Variants in AKT3 observed in about 807,000 individuals in gnomAD.
AKT3 encodes the protein RAC-gamma serine/threonine-protein kinase.
AKT3 carries 15 observed loss-of-function variants against 65.3 expected under a neutral mutation model. That is an observed-to-expected ratio of 0.23 (90% CI 0.15 to 0.35). The LOEUF (loss-of-function observed/expected upper bound fraction) is 0.35. Among genes scored for constraint, AKT3 ranks in the 10% least tolerant of loss-of-function variants. The pLI is 1.00. For synonymous variants in AKT3, 206 were observed against 183.8 expected (o/e 1.12, Z -0.98); for missense variants, 243 against 576.5 (o/e 0.42, Z 5.92).
chr1:243,580,173 G>A (rs1675226490), intron 8 of AKT3, among the ~76,000 whole-genome samples: 1 of 152,142 alleles, frequency 6.6e-6, no homozygotes, highest in South Asian at 2.1e-4. Context: ...GAATCATGAC[G>A]TACACTCCAG....
chr1:243,607,238 C>T (rs1379786368), intron 8 of AKT3, among the ~76,000 whole-genome samples: 1 of 152,194 alleles, frequency 6.6e-6, no homozygotes, highest in Non-Finnish European at 1.5e-5. Context: ...TGACAGCTTG[C>T]ACAGTGCACC....
chr1:243,600,503 A>T (rs1676931227), intron 8 of AKT3, among the ~76,000 whole-genome samples: 1 of 152,136 alleles, frequency 6.6e-6, no homozygotes, highest in South Asian at 2.1e-4. Context: ...CCAGAAATCG[A>T]CCCACACATA....
intron 6 of AKT3, among the ~76,000 whole-genome samples, chr1:243,634,051 T>C (rs1679800662): frequency 6.6e-6 from 1 of 152,070 alleles, no homozygotes; most frequent in Non-Finnish European, 1.5e-5. Flanking sequence ...CCATGGGGGA[T>C]TGGTTTCAAA....
At chr1:243,698,194 A>C (rs1262805151) in intron 2 of AKT3, among the ~76,000 whole-genome samples, 1 of 152,068 alleles carries the variant, frequency 6.6e-6, no homozygotes, top group African/African-American at 2.4e-5. Context: ...TAATTCTCCA[A>C]TTAATGACAT....
intron 2 of AKT3, among the ~76,000 whole-genome samples, chr1:243,785,104 G>A (rs368834215): frequency 7.8e-5 from 11 of 140,486 alleles, no homozygotes; most frequent in Non-Finnish European, 1.5e-4. Flanking sequence ...TTGCTTTGTC[G>A]CCCAGGCTGG....
intron 2 of AKT3, among the ~76,000 whole-genome samples, chr1:243,781,024 C>T (rs1489068019): frequency 6.6e-6 from 1 of 151,950 alleles, no homozygotes; most frequent in Admixed American, 6.6e-5. Flanking sequence ...TTTAAAAAAT[C>T]CAAATAATAC....
chr1:243,785,460 T>G (rs969217231), intron 2 of AKT3, among the ~76,000 whole-genome samples: 18 of 152,158 alleles, frequency 1.2e-4, no homozygotes, highest in Non-Finnish European at 4.4e-5. Context: ...AATCAACGTT[T>G]TTTTTTTACT....
chr1:243,749,986 C>T (rs975411906), intron 2 of AKT3, among the ~76,000 whole-genome samples: 2 of 152,156 alleles, frequency 1.3e-5, no homozygotes, highest in African/African-American at 4.8e-5. Flanking sequence ...TCTTTTTATT[C>T]TCTTCCAATC....
chr1:243,783,730 T>C (rs1168756495), intron 2 of AKT3, among the ~76,000 whole-genome samples: 1 of 152,164 alleles, frequency 6.6e-6, no homozygotes, highest in African/African-American at 2.4e-5. Context: ...TATAACAAAA[T>C]ATGTTTAACC....
rs546754804 is a variant in AKT3, at chr1:243,526,203, A to G, written c.1252-13777T>C. ...GCGAAGATGCAAGCAAAGCCAGGAG[A>G]GGAAAGATGAAATGGAATCTAGAAG... On this transcript the variant is annotated intron_variant, in intron 12 of 13. Coordinates refer to ENST00000673466, the MANE Select transcript of AKT3 (RefSeq NM_005465.7). Among the ~76,000 whole-genome samples, 3 of 152,222 alleles carry G rather than the reference A, an allele frequency of 2.0e-5. No individual in the cohort carries two copies. In the South Asian group the frequency reaches 6.2e-4, roughly 32 times the overall value.
chr1:243,610,166 AAAAT>A (rs901405449), intron 8 of AKT3, among the ~76,000 whole-genome samples: 3 of 152,224 alleles, frequency 2.0e-5, no homozygotes, highest in Non-Finnish European at 4.4e-5. Context: ...CTTTTTTAAC[AAAAT>A]AAACTGTATA....
intron 2 of AKT3, among the ~76,000 whole-genome samples, chr1:243,729,533 T>C (rs1028869932): frequency 6.6e-6 from 1 of 152,286 alleles, no homozygotes; most frequent in East Asian, 1.9e-4. Flanking sequence ...CCATATCCTT[T>C]GAGCCAGTAA....
intron 12 of AKT3, among the ~76,000 whole-genome samples, chr1:243,535,985 C>T (rs1055977250): frequency 6.6e-6 from 1 of 152,082 alleles, no homozygotes; most frequent in Non-Finnish European, 1.5e-5. Flanking sequence ...TGATGTTGAA[C>T]ATTTTTTCCC....
intron 2 of AKT3, among the ~76,000 whole-genome samples, chr1:243,833,009 C>T (rs928195989): frequency 2.0e-5 from 3 of 152,054 alleles, no homozygotes; most frequent in African/African-American, 7.2e-5. Context: ...CCTGTAAATC[C>T]AGCACTTTGG....
chr1:243,516,484 T>C (rs1252753614), intron 12 of AKT3, among the ~76,000 whole-genome samples: 2 of 152,242 alleles, frequency 1.3e-5, no homozygotes, highest in South Asian at 2.1e-4. Flanking sequence ...TTGATTGCTA[T>C]CCCAATCTTT....
intron 2 of AKT3, among the ~76,000 whole-genome samples, chr1:243,768,218 T>C (rs962976186): frequency 3.3e-5 from 5 of 151,584 alleles, no homozygotes; most frequent in African/African-American, 1.2e-4. Context: ...CATGGATAAT[T>C]ACATTACTTA....
intron 2 of AKT3, among the ~76,000 whole-genome samples, chr1:243,805,274 C>T (rs1173118707): frequency 6.6e-6 from 1 of 151,998 alleles, no homozygotes; most frequent in Non-Finnish European, 1.5e-5. Flanking sequence ...GGGAGTTTGC[C>T]TCTCCTCCTT....
intron 2 of AKT3, among the ~76,000 whole-genome samples, chr1:243,767,435 T>G (rs1038146991): frequency 6.6e-6 from 1 of 152,142 alleles, no homozygotes; most frequent in African/African-American, 2.4e-5. Flanking sequence ...TAGACTAATA[T>G]ATGAACCACA....
intron 12 of AKT3, among the ~76,000 whole-genome samples, chr1:243,517,522 T>G (rs1156974065): frequency 6.6e-6 from 1 of 152,262 alleles, no homozygotes; most frequent in African/African-American, 2.4e-5. Flanking sequence ...TACTTCTTGA[T>G]GAAATGACTC....
Sources: gnomAD v4.1 joint callset for allele counts (sites outside exome capture counted in the v4.1 genomes callset) on GRCh38, gnomAD v4.1.1 for gene constraint, MANE v1.5 for transcripts, NCBI Gene and HGNC (gene_info 2026-07-23, HGNC 2026-07-21) for gene names.